EBF2: variants seen among roughly 807,000 people sequenced by gnomAD.
The protein encoded by EBF2 is EBF transcription factor 2, also known as transcription factor COE2.
Under a neutral mutation model 72.8 loss-of-function variants are expected in EBF2, and 21 were observed. The ratio of observed to expected loss-of-function variants is 0.29; its 90% CI spans 0.20 to 0.42. EBF2 has a LOEUF of 0.42. Ranked by LOEUF, EBF2 falls within the 10% of genes least tolerant of loss-of-function variation. EBF2 has a pLI of 1.00. For missense variants in EBF2, 637 were observed against 731.2 expected, an observed-to-expected ratio of 0.87 and a Z score of 1.49; for synonymous variants, 299 against 274.2, an observed-to-expected ratio of 1.09 and a Z score of -0.89.
intron 6 of EBF2, among the ~76,000 whole-genome samples, chr8:25,964,989 G>A (rs979258291): frequency 3.3e-5 from 5 of 152,260 alleles, no homozygotes; most frequent in Admixed American, 1.3e-4. Flanking sequence ...ATCAATAATT[G>A]ATGGAGCTAT....
intron 6 of EBF2, among the ~76,000 whole-genome samples, chr8:25,933,550 A>G (rs926917507): frequency 5.9e-5 from 9 of 152,150 alleles, no homozygotes; most frequent in Non-Finnish European, 1.2e-4. Context: ...AAATGCATAC[A>G]GCCTTTGACC....
chr8:25,968,870 T>C (rs1471373379), intron 6 of EBF2, among the ~76,000 whole-genome samples: 1 of 152,238 alleles, frequency 6.6e-6, no homozygotes, highest in Admixed American at 6.5e-5. Context: ...GTGTCAGTTT[T>C]CTAAGATGAA....
intron 1 of EBF2, 136 bp from the exon 2 acceptor site, chr8:26,042,387 T>C (rs568154482): frequency 2.6e-6 from 3 of 1,142,578 alleles, no homozygotes; most frequent in Non-Finnish European, 3.6e-6. Flanking sequence ...TCGGGCCTTT[T>C]TTCCAATTCG....
intron 7 of EBF2, among the ~76,000 whole-genome samples, chr8:25,901,922 A>C (rs1802959708): frequency 6.6e-6 from 1 of 152,200 alleles, no homozygotes; most frequent in Non-Finnish European, 1.5e-5. Flanking sequence ...ACTAGGATGC[A>C]AGCCCCTCAA....
intron 11 of EBF2, 105 bp from the exon 12 acceptor site, chr8:25,861,479 TGTAA>T (rs1478005752): frequency 4.0e-6 from 5 of 1,257,520 alleles, no homozygotes; most frequent in South Asian, 3.9e-5. Flanking sequence ...CCTCCCAAAA[TGTAA>T]GTAATTAGCC....
intron 7 of EBF2, among the ~76,000 whole-genome samples, chr8:25,900,477 G>T (rs1303205450): frequency 6.6e-6 from 1 of 152,030 alleles, no homozygotes; most frequent in African/African-American, 2.4e-5. Context: ...GAAAGAAAAA[G>T]AAATATATCT....
rs962375157 is a variant in EBF2, at chr8:25,974,746, G to GC, written c.551+58338dup. Reference sequence around the variant, plus strand: ...CTTTCCTTCCTGCCAAACTCCCCCTGCCCCCCCATCCTACTGTAGCCAAAA... The same window carrying GC: ...CTTTCCTTCCTGCCAAACTCCCCCTGCCCCCCCCATCCTACTGTAGCCAAAA... On this transcript the variant is annotated intron_variant, in intron 6 of 15. Coordinates refer to ENST00000520164, the MANE Select transcript of EBF2 (RefSeq NM_022659.4). Among the ~76,000 whole-genome samples, 17 of 151,360 alleles carry GC rather than the reference G, an allele frequency of 1.1e-4. No homozygotes were observed. The East Asian group carries it at 1.2e-3, about 10-fold the overall frequency.
At chr8:25,895,923 ATGTGTGTGTGTGTG>A (rs71868613) in intron 7 of EBF2, among the ~76,000 whole-genome samples, 18 of 149,608 alleles carry the variant, frequency 1.2e-4, no homozygotes, top group African/African-American at 4.2e-4. Flanking sequence ...CCGTGTGTGT[ATGTGTGTGTGTGTG>A]TGTGTGTGTG....
At chr8:26,005,212 T>C (rs1804820013) in intron 6 of EBF2, among the ~76,000 whole-genome samples, 1 of 110,716 alleles carries the variant, frequency 9.0e-6, no homozygotes, top group East Asian at 2.4e-4. Context: ...TGGAGATATA[T>C]ATATATAGAA....
At chr8:26,036,909 T>TA (rs1312665700) in intron 5 of EBF2, among the ~76,000 whole-genome samples, 1 of 151,862 alleles carries the variant, frequency 6.6e-6, no homozygotes, top group East Asian at 1.9e-4. Context: ...AAAAAAGTAA[T>TA]AAAAAAATAA....
At chr8:25,986,167 G>A (rs1163788809) in intron 6 of EBF2, among the ~76,000 whole-genome samples, 1 of 152,026 alleles carries the variant, frequency 6.6e-6, no homozygotes, top group Non-Finnish European at 1.5e-5. Context: ...CCTTCTTGAA[G>A]CTTATGGTTC....
intron 10 of EBF2, among the ~76,000 whole-genome samples, chr8:25,871,671 C>T (rs1347099790): frequency 6.6e-6 from 1 of 152,128 alleles, no homozygotes; most frequent in Non-Finnish European, 1.5e-5. Flanking sequence ...GGGAGTCATT[C>T]GGGTTTGCTT....
intron 10 of EBF2, among the ~76,000 whole-genome samples, chr8:25,871,068 C>T (rs964345400): frequency 2.0e-5 from 3 of 152,148 alleles, no homozygotes; most frequent in Non-Finnish European, 4.4e-5. Flanking sequence ...AACACATGGC[C>T]GGGTTTGACA....
chr8:25,939,618 G>A (rs1803636212), intron 6 of EBF2, among the ~76,000 whole-genome samples: 1 of 152,176 alleles, frequency 6.6e-6, no homozygotes, highest in African/African-American at 2.4e-5. Flanking sequence ...ATTTCTGTGT[G>A]GCTCAGGAGG....
At chr8:25,947,936 T>C (rs1458798071) in intron 6 of EBF2, among the ~76,000 whole-genome samples, 1 of 152,208 alleles carries the variant, frequency 6.6e-6, no homozygotes, top group Non-Finnish European at 1.5e-5. Context: ...TCTGTTTCCC[T>C]AGCTGCAGAG....
intron 7 of EBF2, among the ~76,000 whole-genome samples, chr8:25,890,359 G>A (rs555854143): frequency 2.5e-4 from 38 of 152,360 alleles, no homozygotes; most frequent in African/African-American, 8.9e-4. Flanking sequence ...TTGCTGCCCA[G>A]TAGAGAGTGG....
intron 6 of EBF2, among the ~76,000 whole-genome samples, chr8:26,008,480 G>A (rs1804920081): frequency 6.6e-6 from 1 of 152,160 alleles, no homozygotes; most frequent in African/African-American, 2.4e-5. Context: ...GTGCCACAGA[G>A]ACACACAGTG....
chr8:25,947,765 A>T (rs1467709309), intron 6 of EBF2, among the ~76,000 whole-genome samples: 1 of 152,238 alleles, frequency 6.6e-6, no homozygotes, highest in Non-Finnish European at 1.5e-5. Flanking sequence ...TTCCCTGCCC[A>T]GGTAACCCTT....
intron 6 of EBF2, among the ~76,000 whole-genome samples, chr8:26,001,672 C>T (rs1459627271): frequency 2.0e-5 from 3 of 152,094 alleles, no homozygotes; most frequent in Non-Finnish European, 2.9e-5. Context: ...CCTCAGCCTC[C>T]TGAGTAGCTG....
Sources: gnomAD v4.1 joint callset for allele counts (sites outside exome capture counted in the v4.1 genomes callset) on GRCh38, gnomAD v4.1.1 for gene constraint, MANE v1.5 for transcripts, NCBI Gene and HGNC (gene_info 2026-07-23, HGNC 2026-07-21) for gene names.